KLHL32: variants seen among roughly 807,000 people sequenced by gnomAD.
KLHL32 encodes the protein kelch-like protein 32.
In KLHL32, 35 loss-of-function variants were observed where a neutral mutation model predicts 64.8. The observed-to-expected ratio is 0.54, with a 90% CI of 0.41 to 0.72. The LOEUF (loss-of-function observed/expected upper bound fraction) is 0.72, where lower values mean the gene tolerates loss of function less well. KLHL32 is among the 30% of genes least tolerant of loss of function. The probability of loss-of-function intolerance (pLI) is 0.00; values close to 1 mark genes in which losing one functional copy is unlikely to be tolerated. For synonymous variants in KLHL32, 259 were observed against 281.0 expected (o/e 0.92, Z 0.78); for missense variants, 589 against 768.5 (o/e 0.77, Z 2.76).
intron 3 of KLHL32, among the ~76,000 whole-genome samples, chr6:96,982,813 A>T (rs1356826091): frequency 6.6e-6 from 1 of 152,268 alleles, no homozygotes; most frequent in African/African-American, 2.4e-5. Context: ...ATATACAATC[A>T]TGTCATCTGC....
intron 4 of KLHL32, among the ~76,000 whole-genome samples, chr6:97,042,756 C>CT (rs1296474185): frequency 6.6e-6 from 1 of 152,134 alleles, no homozygotes; most frequent in East Asian, 1.9e-4. Flanking sequence ...CTAACTGAAA[C>CT]TATATACCCT....
intron 3 of KLHL32, among the ~76,000 whole-genome samples, chr6:96,993,362 G>C (rs1343287987): frequency 6.6e-6 from 1 of 152,124 alleles, no homozygotes; most frequent in Non-Finnish European, 1.5e-5. Flanking sequence ...GGTTGGGGTG[G>C]TAAGGGAAGC....
At chr6:97,055,912 T>A (rs1316468483) in intron 4 of KLHL32, among the ~76,000 whole-genome samples, 1 of 151,508 alleles carries the variant, frequency 6.6e-6, no homozygotes, top group Admixed American at 6.6e-5. Flanking sequence ...TACATAAAGT[T>A]ATTTTTCCTC....
intron 1 of KLHL32, among the ~76,000 whole-genome samples, chr6:96,964,449 C>T (rs1402152454): frequency 1.3e-5 from 2 of 152,154 alleles, no homozygotes; most frequent in East Asian, 1.9e-4. Context: ...GTCAGGAGAT[C>T]GAGACCATCC....
chr6:97,032,501 C>T (rs1324728876), intron 3 of KLHL32, among the ~76,000 whole-genome samples: 2 of 152,100 alleles, frequency 1.3e-5, no homozygotes, highest in African/African-American at 4.8e-5. Context: ...CTAGAAATGT[C>T]GATTTTTAAA....
rs528946859 is a variant in KLHL32, at chr6:97,034,938, T to C, written c.205-6554T>C. 2.6e-5 allele frequency among the ~76,000 whole-genome samples: 4 copies of C among 152,186 alleles called. No individual in the cohort carries two copies. In the South Asian group the frequency reaches 8.3e-4, roughly 32 times the overall value. ...TTCCTACGTATATAATCATGTTATC[T>C]GTGGAGGTAATTTCACTTTTTCCTC... On this transcript the variant is annotated intron_variant, in intron 3 of 10. Transcript: ENST00000369261.
intron 9 of KLHL32, 48 bp downstream of exon 9, chr6:97,130,997 C>A: frequency 6.5e-7 from 1 of 1,546,716 alleles, no homozygotes; most frequent in South Asian, 1.2e-5. Flanking sequence ...TTCAAGAAGT[C>A]ACCAAACTTG....
Position 97,064,605 on chromosome 6 carries a change from A to AT in KLHL32, c.313-18dup, listed in dbSNP as rs1350915145. On this transcript the variant is annotated intron_variant, in intron 4 of 10. Transcript: ENST00000369261. ...ATTTTTAAGTGTAACTGATAGTTTT[A>AT]TTTTTGTTAACAAACAAAACAGATT... 6.3e-6 allele frequency: 10 copies of AT among 1,581,844 alleles called. No individual in the cohort carries two copies. The Admixed American group carries it at 1.5e-4, about 24-fold the overall frequency.
chr6:96,950,052 A>G (rs1049222973), intron 1 of KLHL32, among the ~76,000 whole-genome samples: 1 of 152,132 alleles, frequency 6.6e-6, no homozygotes. Context: ...GTATTTTTCA[A>G]AGCCAAGATT....
At chr6:97,021,176 T>C (rs1781938089) in intron 3 of KLHL32, among the ~76,000 whole-genome samples, 1 of 150,830 alleles carries the variant, frequency 6.6e-6, no homozygotes, top group South Asian at 2.1e-4. Flanking sequence ...GGGTTTTTTA[T>C]TTTAACTTTT....
chr6:97,014,007 T>G (rs907021834), intron 3 of KLHL32, among the ~76,000 whole-genome samples: 1 of 152,156 alleles, frequency 6.6e-6, no homozygotes, highest in Non-Finnish European at 1.5e-5. Flanking sequence ...ATTTTCTCTC[T>G]GTATATGTTT....
At chr6:96,927,476 A>G (rs1451582775) in intron 1 of KLHL32, among the ~76,000 whole-genome samples, 3 of 99,108 alleles carry the variant, frequency 3.0e-5, no homozygotes, top group Non-Finnish European at 7.7e-5. Context: ...GTAGTGAGGT[A>G]AATACGTCTT....
At chr6:97,014,751 A>G (rs1346673940) in intron 3 of KLHL32, among the ~76,000 whole-genome samples, 1 of 152,226 alleles carries the variant, frequency 6.6e-6, no homozygotes, top group East Asian at 1.9e-4. Flanking sequence ...TAAAGGATGC[A>G]GCCAAGTCTC....
chr6:97,139,010 T>C, intron 10 of KLHL32, 111 bp from the exon 11 acceptor site: 3 of 947,216 alleles, frequency 3.2e-6, no homozygotes, highest in Non-Finnish European at 4.7e-6. Flanking sequence ...TCCTAAGATA[T>C]GGTGATGGTG....
intron 10 of KLHL32, among the ~76,000 whole-genome samples, chr6:97,137,597 C>T (rs962135751): frequency 1.5e-4 from 23 of 152,034 alleles, no homozygotes; most frequent in East Asian, 5.8e-4. Context: ...TGCAGTGGCG[C>T]GATCTTGGCT....
upstream of KLHL32, among the ~76,000 whole-genome samples, chr6:96,920,045 G>A (rs1768701068): frequency 6.6e-6 from 1 of 152,154 alleles, no homozygotes; most frequent in African/African-American, 2.4e-5. Flanking sequence ...ATTTACACAG[G>A]AACAGAAAGA....
At chr6:96,930,609 TA>T (rs1769744988) in intron 1 of KLHL32, among the ~76,000 whole-genome samples, 1 of 152,126 alleles carries the variant, frequency 6.6e-6, no homozygotes, top group Non-Finnish European at 1.5e-5. Flanking sequence ...GGAATTCATT[TA>T]AATTTCCTGA....
intron 1 of KLHL32, among the ~76,000 whole-genome samples, chr6:96,941,074 C>G (rs995564152): frequency 1.3e-5 from 2 of 152,156 alleles, no homozygotes; most frequent in East Asian, 3.8e-4. Flanking sequence ...GCTCATTAGC[C>G]TTTCTTAGCC....
chr6:97,115,937 C>T (rs1188618819), intron 7 of KLHL32, among the ~76,000 whole-genome samples: 2 of 152,196 alleles, frequency 1.3e-5, no homozygotes, highest in African/African-American at 2.4e-5. Context: ...AGTGTTCTAA[C>T]ACCTGCTCTG....
Sources: allele counts gnomAD v4.1 joint callset (sites outside exome capture counted in the v4.1 genomes callset), GRCh38; gene constraint gnomAD v4.1.1; transcripts MANE v1.5; gene names NCBI Gene and HGNC (gene_info 2026-07-23, HGNC 2026-07-21).